OSMR: variants seen among roughly 807,000 people sequenced by gnomAD.
OSMR encodes oncostatin-M-specific receptor subunit beta.
OSMR carries 81 observed loss-of-function variants against 99.9 expected under a neutral mutation model. The ratio of observed to expected loss-of-function variants is 0.81; its 90% CI spans 0.68 to 0.97. The LOEUF is 0.97. Ranked by LOEUF, OSMR falls within the 50% of genes least tolerant of loss-of-function variation. The pLI, the probability that OSMR is intolerant of heterozygous loss-of-function variation, is 0.00. For missense variants in OSMR, 1,099 were observed against 1,153.4 expected (o/e 0.95, Z 0.68); for synonymous variants, 406 against 410.4 (o/e 0.99, Z 0.13).
At chr5:38,894,642 C>A (rs989769451) in intron 7 of OSMR, among the ~76,000 whole-genome samples, 84 of 151,888 alleles carry the variant, frequency 5.5e-4, no homozygotes, top group African/African-American at 1.9e-3. Context: ...AATAAGAAGA[C>A]TTATTGATTC....
intron 7 of OSMR, among the ~76,000 whole-genome samples, chr5:38,898,198 T>C (rs951790629): frequency 6.6e-6 from 1 of 152,118 alleles, no homozygotes; most frequent in African/African-American, 2.4e-5. Flanking sequence ...GAAAATGGGG[T>C]GTTTAAGTCT....
At chr5:38,878,868 A>C (rs976251614) in intron 3 of OSMR, among the ~76,000 whole-genome samples, 4 of 152,242 alleles carry the variant, frequency 2.6e-5, no homozygotes, top group African/African-American at 9.6e-5. Flanking sequence ...TCCACACATA[A>C]ATAGTGTCTG....
intron 1 of OSMR, among the ~76,000 whole-genome samples, chr5:38,855,711 C>T (rs1292686228): frequency 8.0e-5 from 12 of 150,706 alleles, no homozygotes; most frequent in Non-Finnish European, 1.5e-4. Context: ...CCACTGCCAC[C>T]GCCACACCCC....
intron 9 of OSMR, among the ~76,000 whole-genome samples, chr5:38,917,128 C>T (rs1462529008): frequency 6.6e-6 from 1 of 152,140 alleles, no homozygotes; most frequent in Non-Finnish European, 1.5e-5. Context: ...AGGAAGAACG[C>T]ATCCTGCCCC....
intron 11 of OSMR, 179 bp from the exon 12 acceptor site, chr5:38,921,436 A>G: frequency 6.3e-6 from 6 of 959,746 alleles, no homozygotes; most frequent in Non-Finnish European, 7.4e-6. Context: ...TTCGCTGGGA[A>G]GTAAGAGACA....
chr5:38,879,075 A>G (rs139160828), intron 3 of OSMR, among the ~76,000 whole-genome samples: 6 of 152,356 alleles, frequency 3.9e-5, no homozygotes, highest in Non-Finnish European at 7.3e-5. Context: ...ATGAGATGCT[A>G]TGAGGTTCGG....
intron 2 of OSMR, chr5:38,944,842 AAAAAC>A (rs991058673): frequency 7.6e-6 from 11 of 1,449,104 alleles, no homozygotes; most frequent in African/African-American, 1.4e-5. Context: ...AGTATTTACG[AAAAAC>A]AAAACAAAAC....
intron 1 of OSMR, among the ~76,000 whole-genome samples, chr5:38,866,979 C>T (rs1742000284): frequency 6.6e-6 from 1 of 152,152 alleles, no homozygotes; most frequent in Non-Finnish European, 1.5e-5. Context: ...CTCAGGGGTT[C>T]TCTGTCACTT....
At chr5:38,904,216 C>T in intron 8 of OSMR, 137 bp from the exon 9 acceptor site, 3 of 1,524,100 alleles carry the variant, frequency 2.0e-6, no homozygotes, top group Middle Eastern at 2.3e-4. Context: ...GATTTTTTTC[C>T]CCCCAAAGAA....
chr5:38,928,817 T>C lies in OSMR; in HGVS notation c.2213-3066T>C, dbSNP rs369627753. Among the ~76,000 whole-genome samples the C allele has an allele frequency of 9.8e-5, 15 of 152,318 alleles. No homozygotes were observed. In the South Asian group the frequency reaches 2.9e-3, roughly 29 times the overall value. ...AAGATGTGTCAGTGATTTACATTATTTGAGCACTCTTGGCATGTTGGAGTT... is the reference window on the plus strand; with the variant it reads ...AAGATGTGTCAGTGATTTACATTATCTGAGCACTCTTGGCATGTTGGAGTT... On this transcript the variant is annotated intron_variant, in intron 15 of 17. Transcript: ENST00000274276.
At chr5:38,924,969 TG>T in intron 14 of OSMR, 1 of 370,366 alleles carries the variant, frequency 2.7e-6, no homozygotes, top group Non-Finnish European at 3.7e-6. Context: ...ATGCTTTGGC[TG>T]GATCACTAGT....
At position 38,933,428 on chromosome 5, in the gene OSMR, G is replaced by A; in HGVS notation, c.2924G>A (p.Gly975Asp). 6.2e-7 allele frequency: 1 copy of A among 1,614,000 alleles called. No homozygotes were observed. The highest frequency in any genetic ancestry group is 8.5e-7 in the Non-Finnish European group (1 of 1,179,970). The change falls in exon 18 of 18, where the codon GGT (glycine) becomes GAT (aspartate). Residue 975 changes from glycine to aspartate, a missense_variant. Coordinates refer to ENST00000274276, the MANE Select transcript of OSMR (RefSeq NM_003999.3). ...TCCTCAATTACCCTTTTAGATCCAG[G>A]TGAACACTACTGCTAACCAGCATGC... ...SLSSITLLDP[G>D]EHYC
Position 38,868,129 on chromosome 5 carries a change from T to C in OSMR, c.-13-903T>C, listed in dbSNP as rs954203526. On this transcript the variant is annotated intron_variant, in intron 1 of 17. Coordinates refer to ENST00000274276, the MANE Select transcript of OSMR (RefSeq NM_003999.3). ...CCATATTTAACTCTTGTTTCTCTGCTTGACCTTTCTTTACCAATCTTTGCT... is the reference window on the plus strand; with the variant it reads ...CCATATTTAACTCTTGTTTCTCTGCCTGACCTTTCTTTACCAATCTTTGCT... Among the ~76,000 whole-genome samples the C allele has an allele frequency of 1.3e-3, 196 of 152,360 alleles. 1 individual carries two copies. Among genetic ancestry groups the C allele is most frequent in the Non-Finnish European group, 1.8e-3 (121 of 68,040 alleles).
intron 1 of OSMR, among the ~76,000 whole-genome samples, chr5:38,866,631 A>T (rs1045502961): frequency 4.6e-5 from 7 of 151,656 alleles, no homozygotes; most frequent in Non-Finnish European, 8.8e-5. Flanking sequence ...GCAGGGCTGC[A>T]GGAATGTGGA....
At chr5:38,849,481 TA>T (rs1459761476) in intron 1 of OSMR, among the ~76,000 whole-genome samples, 3 of 150,392 alleles carry the variant, frequency 2.0e-5, no homozygotes, top group African/African-American at 7.3e-5. Flanking sequence ...TGTTTTTCCC[TA>T]AACCAATATT....
chr5:38,900,087 C>T (rs1744795777), intron 7 of OSMR, among the ~76,000 whole-genome samples: 1 of 152,216 alleles, frequency 6.6e-6, no homozygotes. Flanking sequence ...TCACTGGGTT[C>T]CGACTGCTGG....
chr5:38,892,250 G>A (rs1744210227), intron 7 of OSMR, among the ~76,000 whole-genome samples: 2 of 152,112 alleles, frequency 1.3e-5, no homozygotes, highest in African/African-American at 4.8e-5. Flanking sequence ...GAACATTTCA[G>A]CTGTGGCCCA....
chr5:38,944,788 C>T, intron 2 of OSMR: 2 of 991,906 alleles, frequency 2.0e-6, no homozygotes, highest in African/African-American at 1.6e-5. Flanking sequence ...TAAATTGCTT[C>T]ACTAAAATGG....
intron 3 of OSMR, among the ~76,000 whole-genome samples, chr5:38,879,252 C>T (rs983550966): frequency 2.0e-5 from 3 of 152,250 alleles, no homozygotes; most frequent in Non-Finnish European, 4.4e-5. Flanking sequence ...CCTGAAAGCC[C>T]GCTGTGGTGC....
Sources: allele counts gnomAD v4.1 joint callset (sites outside exome capture counted in the v4.1 genomes callset), GRCh38; gene constraint gnomAD v4.1.1; transcripts MANE v1.5; gene names NCBI Gene and HGNC (gene_info 2026-07-23, HGNC 2026-07-21).